Variants in ZFYVE27 observed in about 807,000 individuals in gnomAD.
ZFYVE27 encodes zinc finger FYVE-type containing 27.
ZFYVE27 carries 36 observed loss-of-function variants against 52.8 expected under a neutral mutation model. The observed-to-expected ratio is 0.68, with a 90% CI of 0.52 to 0.90. ZFYVE27 has a LOEUF of 0.90. Ranked by LOEUF, ZFYVE27 falls within the 40% of genes least tolerant of loss-of-function variation. The pLI is 0.00. For synonymous variants in ZFYVE27, 223 were observed against 215.6 expected (o/e 1.03, Z -0.30); for missense variants, 450 against 527.2 (o/e 0.85, Z 1.43).
chr10:97,752,107 A>G (rs1041542950), intron 8 of ZFYVE27, among the ~76,000 whole-genome samples: 2 of 152,316 alleles, frequency 1.3e-5, no homozygotes, highest in East Asian at 3.9e-4. Flanking sequence ...CCCTTTACGC[A>G]GGTCACATGC....
intron 12 of ZFYVE27, among the ~76,000 whole-genome samples, chr10:97,758,846 A>G (rs982497689): frequency 6.6e-6 from 1 of 151,798 alleles, no homozygotes; most frequent in Non-Finnish European, 1.5e-5. Context: ...CAGTGGCGCC[A>G]TCTCGGCTCA....
chr10:97,739,234 T>TAA (rs773578612), intron 2 of ZFYVE27, among the ~76,000 whole-genome samples: 11 of 138,924 alleles, frequency 7.9e-5, no homozygotes, highest in African/African-American at 2.1e-4. Context: ...CCTGGCTAAT[T>TAA]AAAAAAAAAA....
intron 1 of ZFYVE27, among the ~76,000 whole-genome samples, chr10:97,737,804 G>T (rs956021241): frequency 2.0e-5 from 3 of 152,234 alleles, no homozygotes; most frequent in African/African-American, 7.2e-5. Flanking sequence ...GATGCCGACT[G>T]CCCTGGGGCA....
At chr10:97,743,420 G>C (rs942085330) in intron 3 of ZFYVE27, among the ~76,000 whole-genome samples, 19 of 152,184 alleles carry the variant, frequency 1.2e-4, no homozygotes, top group Admixed American at 5.9e-4. Flanking sequence ...TAAAAATGAC[G>C]CTTTCCTCCT....
chr10:97,752,972 G>C lies in ZFYVE27; in HGVS notation c.898-66G>C, dbSNP rs2047389771. Reference sequence around the variant, plus strand: ...CCTCGTGGGGGCTGCCGCGCAGGATGCCTCTGCACACGGGTCCTGCAGCCT... The same window carrying C: ...CCTCGTGGGGGCTGCCGCGCAGGATCCCTCTGCACACGGGTCCTGCAGCCT... On this transcript the variant is annotated intron_variant, in intron 9 of 12. Coordinates refer to ENST00000684270, the MANE Select transcript of ZFYVE27 (RefSeq NM_001385875.1). 11 of 1,613,016 alleles carry C rather than the reference G, an allele frequency of 6.8e-6. No individual in the cohort carries two copies. The East Asian group carries it at 1.8e-4, about 26-fold the overall frequency.
At chr10:97,745,154 T>A (rs1386344481) in intron 4 of ZFYVE27, among the ~76,000 whole-genome samples, 1 of 15,228 alleles carries the variant, frequency 6.6e-5, no homozygotes, top group African/African-American at 2.1e-4. Context: ...ATCTAGCTGT[T>A]TGTTTTCACA....
intron 10 of ZFYVE27, 111 bp downstream of exon 10, chr10:97,753,293 C>G (rs2047478397): frequency 6.8e-7 from 1 of 1,460,450 alleles, no homozygotes; most frequent in Admixed American, 2.1e-5. Context: ...TGGGTACTGA[C>G]TTGTGACAAG....
chr10:97,748,628 G>GT (rs2046099903), intron 5 of ZFYVE27, among the ~76,000 whole-genome samples: 1 of 152,170 alleles, frequency 6.6e-6, no homozygotes, highest in East Asian at 1.9e-4. Context: ...TCTCTTGTTT[G>GT]TTTTGCCTGC....
rs896082430 is a variant in ZFYVE27 at position 97,760,641 on chromosome 10, G to C, written c.*1341G>C. ...AGCAGGGGTCCAGAGAGGCAGGCTG[G>C]GGAGGCAAGGGACCCATCCTAGGCC... On this transcript the variant is annotated 3_prime_UTR_variant, in exon 13 of 13. Transcript: ENST00000684270. 18 of 152,328 alleles carry C rather than the reference G, an allele frequency of 1.2e-4. No homozygotes were observed. The highest frequency in any genetic ancestry group is 2.3e-4 in the Non-Finnish European group (16 of 68,182). The allele number at this position is 152,328 out of a possible 1,614,324, so 9.4% of individuals were successfully genotyped here. A position where few individuals can be genotyped will look rare whatever the true frequency, so the allele number is the denominator to read the frequency against.
chr10:97,738,754 G>T, intron 2 of ZFYVE27, 80 bp downstream of exon 2: 5 of 1,528,952 alleles, frequency 3.3e-6, no homozygotes, highest in Non-Finnish European at 4.5e-6. Context: ...GACCATTTAG[G>T]CAGTGGCTGG....
chr10:97,752,989 C>T (rs768151070), intron 9 of ZFYVE27, 49 bp from the exon 10 acceptor site: 6 of 1,612,846 alleles, frequency 3.7e-6, no homozygotes, highest in Non-Finnish European at 5.1e-6. Context: ...CACACGGGTC[C>T]TGCAGCCTTG....
intron 10 of ZFYVE27, 158 bp from the exon 11 acceptor site, chr10:97,757,107 T>A: frequency 1.1e-6 from 1 of 921,626 alleles, no homozygotes; most frequent in Non-Finnish European, 1.7e-6. Context: ...TTTGAGTCCT[T>A]CTTTCTGTCT....
At chr10:97,745,798 A>G (rs889438614) in intron 4 of ZFYVE27, among the ~76,000 whole-genome samples, 23 of 152,102 alleles carry the variant, frequency 1.5e-4, no homozygotes, top group Non-Finnish European at 3.1e-4. Context: ...TTAAGACTTG[A>G]AAAATATTCA....
Position 97,750,314 on chromosome 10 carries a change from C to T in ZFYVE27, c.665-17C>T, listed in dbSNP as rs956953258. The T allele has an allele frequency of 1.9e-5, 30 of 1,613,710 alleles. No individual in the cohort carries two copies. The Admixed American group carries it at 3.5e-4, about 19-fold the overall frequency. ...TCTCATTTTTGCCTCCTACCTTGTT[C>T]TCCATTCCCTGGGTAGTTGTGTCTG... On this transcript the variant is annotated splice_polypyrimidine_tract_variant and intron_variant, in intron 6 of 12. Transcript: ENST00000684270.
rs1414534099 is a variant in ZFYVE27, at chr10:97,759,601, C to T, written c.*301C>T. On this transcript the variant is annotated 3_prime_UTR_variant, in exon 13 of 13. Transcript: ENST00000684270. ...GACTTAGGGCTGGGCAGGCAGTAGC[C>T]ACCAGAGGGCAGCAGCGAACTAGGC... 1 of 471,578 alleles carries T rather than the reference C, an allele frequency of 2.1e-6. No homozygotes were observed. Among genetic ancestry groups the T allele is most frequent in the African/African-American group, 2.0e-5 (1 of 50,920 alleles). 29.2% of individuals were successfully genotyped at this position (471,578 alleles called of 1,614,324 possible). A position where few individuals can be genotyped will look rare whatever the true frequency, so the allele number is the denominator to read the frequency against.
intron 2 of ZFYVE27, among the ~76,000 whole-genome samples, chr10:97,739,712 T>A (rs985569485): frequency 6.6e-6 from 1 of 152,164 alleles, no homozygotes; most frequent in African/African-American, 2.4e-5. Flanking sequence ...ATTATGTCTT[T>A]TAAGTCTTTT....
chr10:97,753,426 G>T (rs1316273860), intron 10 of ZFYVE27, among the ~76,000 whole-genome samples: 1 of 152,114 alleles, frequency 6.6e-6, no homozygotes, highest in Non-Finnish European at 1.5e-5. Flanking sequence ...TCAGTTGTGG[G>T]AAGACAAGGA....
chr10:97,747,347 G>A (rs192034787), intron 4 of ZFYVE27, among the ~76,000 whole-genome samples: 39 of 152,264 alleles, frequency 2.6e-4, no homozygotes, highest in African/African-American at 9.4e-4. Context: ...AATTTGAGGG[G>A]AGATACTTTG....
intron 5 of ZFYVE27, 55 bp downstream of exon 5, chr10:97,748,419 C>A: frequency 6.4e-7 from 1 of 1,570,956 alleles, no homozygotes. Context: ...AGCTTGAGCC[C>A]GAGCAAAGCC....
Sources: gnomAD v4.1 joint callset for allele counts (sites outside exome capture counted in the v4.1 genomes callset) on GRCh38, gnomAD v4.1.1 for gene constraint, MANE v1.5 for transcripts, NCBI Gene and HGNC (gene_info 2026-07-23, HGNC 2026-07-21) for gene names.